Variants in MTARC1 observed in about 807,000 individuals in gnomAD.
MTARC1 encodes the protein mitochondrial amidoxime reducing component 1, also known as mitochondrial amidoxime-reducing component 1.
MTARC1 carries 24 observed loss-of-function variants against 33.6 expected under a neutral mutation model. The observed-to-expected ratio is 0.72, with a 90% CI of 0.52 to 1.01. The LOEUF (loss-of-function observed/expected upper bound fraction) is 1.01, where lower values mean the gene tolerates loss of function less well. Ranked by LOEUF, MTARC1 falls within the 50% of genes least tolerant of loss-of-function variation. The pLI is 0.00. For synonymous variants in MTARC1, 187 were observed against 189.5 expected (o/e 0.99, Z 0.11); for missense variants, 417 against 445.7 (o/e 0.94, Z 0.58).
intron 6 of MTARC1, among the ~76,000 whole-genome samples, chr1:220,811,840 A>G (rs916660904): frequency 6.6e-6 from 1 of 152,228 alleles, no homozygotes; most frequent in African/African-American, 2.4e-5. Flanking sequence ...ACTCATGAGC[A>G]TACTAATCCA....
intron 6 of MTARC1, among the ~76,000 whole-genome samples, chr1:220,812,253 G>C (rs756156688): frequency 3.0e-4 from 46 of 152,332 alleles, no homozygotes; most frequent in Admixed American, 9.8e-4. Context: ...CAACAGGTCT[G>C]AAAAAGCAGG....
At chr1:220,804,054 G>A (rs1327186578) in intron 4 of MTARC1, among the ~76,000 whole-genome samples, 1 of 152,128 alleles carries the variant, frequency 6.6e-6, no homozygotes, top group Non-Finnish European at 1.5e-5. Context: ...TTTGCCTTCC[G>A]CCCTCGTGTG....
chr1:220,808,779 T>A (rs1236528166), intron 6 of MTARC1: 9 of 469,354 alleles, frequency 1.9e-5, no homozygotes, highest in African/African-American at 6.0e-5. Context: ...GTCTGTAAAA[T>A]GCTCACAGCG....
At chr1:220,787,506 G>T (rs1465235413) in intron 1 of MTARC1, among the ~76,000 whole-genome samples, 1 of 152,136 alleles carries the variant, frequency 6.6e-6, no homozygotes, top group Admixed American at 6.5e-5. Flanking sequence ...CTGAGGTGTG[G>T]TATCGCTCCC....
At chr1:220,800,364 G>C (rs964637511) in intron 4 of MTARC1, among the ~76,000 whole-genome samples, 1 of 152,156 alleles carries the variant, frequency 6.6e-6, no homozygotes, top group East Asian at 1.9e-4. Flanking sequence ...TGAGAACAAG[G>C]GTTGAAGAAA....
intron 4 of MTARC1, among the ~76,000 whole-genome samples, chr1:220,801,649 A>C (rs1672810630): frequency 6.6e-6 from 1 of 152,108 alleles, no homozygotes; most frequent in Non-Finnish European, 1.5e-5. Context: ...GAGCACAGGT[A>C]CTTGGTGTCA....
chr1:220,797,677 A>G (rs1277390195), intron 3 of MTARC1, 197 bp from the exon 4 acceptor site: 3 of 582,468 alleles, frequency 5.2e-6, no homozygotes, highest in Non-Finnish European at 9.1e-6. Context: ...TCATTCCACC[A>G]TGCAGTTTCT....
In MTARC1 at chr1:220,814,127, C is replaced by G. The variant is rs11118608; in HGVS notation, c.*709C>G. 0.085 allele frequency: 12,917 copies of G among 152,158 alleles called. 748 individuals are homozygous for G. Among genetic ancestry groups the G allele is most frequent in the Non-Finnish European group, 0.13 (8,808 of 68,004 alleles). 9.4% of individuals were successfully genotyped at this position (152,158 alleles called of 1,614,324 possible). ...TGACGGAGTGCTCCTTCTCCAGTTC[C>G]GGGTGAAAAAGTTCTGAATTCTGTG... On this transcript the variant is annotated 3_prime_UTR_variant, in exon 7 of 7. Coordinates refer to ENST00000366910, the MANE Select transcript of MTARC1 (RefSeq NM_022746.4).
intron 4 of MTARC1, among the ~76,000 whole-genome samples, chr1:220,800,192 C>T (rs202032020): frequency 0.29 from 43,601 of 151,846 alleles, 6,350 homozygotes; most frequent in African/African-American, 0.34. Context: ...CTCTAAAAAC[C>T]CGTATCTCTC....
chr1:220,795,698 A>G (rs1672588960), intron 2 of MTARC1, among the ~76,000 whole-genome samples: 1 of 152,200 alleles, frequency 6.6e-6, no homozygotes, highest in Non-Finnish European at 1.5e-5. Flanking sequence ...ATAATTTGCC[A>G]GAAAGTAACC....
intron 4 of MTARC1, among the ~76,000 whole-genome samples, chr1:220,802,163 C>G (rs1054128901): frequency 3.3e-5 from 5 of 152,160 alleles, no homozygotes; most frequent in Non-Finnish European, 7.4e-5. Flanking sequence ...ATCACACTGT[C>G]TCCTGCAGCA....
rs1394077299 is a variant in MTARC1, at chr1:220,805,051, G to C, written c.754-1G>C. 1 of 1,614,136 alleles carries C rather than the reference G, an allele frequency of 6.2e-7. No individual in the cohort carries two copies. Among genetic ancestry groups the C allele is most frequent in the Non-Finnish European group, 8.5e-7 (1 of 1,180,020 alleles). On this transcript the variant is annotated splice_acceptor_variant, in intron 4 of 6. Coordinates refer to ENST00000366910, the MANE Select transcript of MTARC1 (RefSeq NM_022746.4). LOFTEE classifies it high-confidence loss of function. The stretch of plus-strand genomic sequence containing the variant: ...ATGGGAATTTGTGCTTTGTCCCCTA[G>C]GATTCTTGGGATGAGCTTCTTATTG...
intron 4 of MTARC1, among the ~76,000 whole-genome samples, chr1:220,800,697 A>C (rs960463098): frequency 6.6e-6 from 1 of 151,656 alleles, no homozygotes; most frequent in African/African-American, 2.4e-5. Context: ...CTCCATGTGG[A>C]TGTCTAATCC....
chr1:220,790,362 A>C (rs1672384150), intron 1 of MTARC1, among the ~76,000 whole-genome samples: 1 of 152,238 alleles, frequency 6.6e-6, no homozygotes, highest in Non-Finnish European at 1.5e-5. Context: ...TTTTATCCTG[A>C]AAGCAGGAAC....
chr1:220,795,753 G>C lies in MTARC1; in HGVS notation c.450-890G>C, dbSNP rs1053030963. Among the ~76,000 whole-genome samples the C allele has an allele frequency of 1.3e-5, 2 of 152,180 alleles. 1 individual carries two copies. Among genetic ancestry groups the C allele is most frequent in the Non-Finnish European group, 2.9e-5 (2 of 68,016 alleles). On this transcript the variant is annotated intron_variant, in intron 2 of 6. Transcript: ENST00000366910. Reference sequence around the variant, plus strand: ...CATTACTAAATTCTAGCTAGAAGCTGTTGCCTACAGAGGTCTCTGGACCTA... The same window carrying C: ...CATTACTAAATTCTAGCTAGAAGCTCTTGCCTACAGAGGTCTCTGGACCTA...
chr1:220,805,174 C>T, intron 5 of MTARC1, 29 bp from the exon 6 acceptor site: 1 of 1,614,052 alleles, frequency 6.2e-7, no homozygotes, highest in Non-Finnish European at 8.5e-7. Context: ...TGCTCTGTCC[C>T]CCTTATGATG....
In MTARC1 at chr1:220,805,284, G is replaced by A; in HGVS notation, c.887+10G>A. On this transcript the variant is annotated intron_variant, in intron 6 of 6. Transcript: ENST00000366910. ...TGGAAACACTGAAGAGGTAGGACTG[G>A]GCAGACGGGGCTCATCCTCGGGTTT... 6.2e-7 allele frequency: 1 copy of A among 1,612,488 alleles called. No homozygotes were observed. The highest frequency in any genetic ancestry group is 8.5e-7 in the Non-Finnish European group (1 of 1,180,004).
intron 6 of MTARC1, among the ~76,000 whole-genome samples, chr1:220,810,753 G>A (rs1558094570): frequency 6.6e-6 from 1 of 152,138 alleles, no homozygotes; most frequent in Non-Finnish European, 1.5e-5. Flanking sequence ...AGACCCCTCG[G>A]TTCTTCTCAG....
chr1:220,799,672 A>G (rs967807676), intron 4 of MTARC1, among the ~76,000 whole-genome samples: 1 of 152,174 alleles, frequency 6.6e-6, no homozygotes, highest in Non-Finnish European at 1.5e-5. Flanking sequence ...CCTAGGCTAT[A>G]CCACAGCAAG....
Sources: gnomAD v4.1 joint callset for allele counts (sites outside exome capture counted in the v4.1 genomes callset) on GRCh38, gnomAD v4.1.1 for gene constraint, MANE v1.5 for transcripts, NCBI Gene and HGNC (gene_info 2026-07-23, HGNC 2026-07-21) for gene names.